The following EPCAM variants were observed in gnomAD, a reference collection of about 807,000 sequenced individuals.
The protein encoded by EPCAM is adenocarcinoma-associated antigen.
In EPCAM, 39 loss-of-function variants were observed where a neutral mutation model predicts 40.0. That is an observed-to-expected ratio of 0.98 (90% CI 0.76 to 1.27). EPCAM has a LOEUF of 1.27. Ranked by LOEUF, EPCAM falls within the 50% of genes most tolerant of loss-of-function variation. The pLI is 0.00. For missense variants in EPCAM, 503 were observed against 381.2 expected, an observed-to-expected ratio of 1.32 and a Z score of -2.66; for synonymous variants, 168 against 132.3, an observed-to-expected ratio of 1.27 and a Z score of -1.85.
intron 5 of EPCAM, 64 bp downstream of exon 5, chr2:47,377,141 G>A (rs2103753712): frequency 9.2e-7 from 1 of 1,086,268 alleles, no homozygotes; most frequent in Non-Finnish European, 1.4e-6. Context: ...TTGAGTATAA[G>A]GACAGCCAGT....
chr2:47,376,462 G>A (rs1332642258), intron 4 of EPCAM, among the ~76,000 whole-genome samples: 2 of 151,784 alleles, frequency 1.3e-5, no homozygotes, highest in East Asian at 1.9e-4. Context: ...GTTTCTCCAC[G>A]TTGGTCAGGC....
chr2:47,384,920 T>G (rs1046011340), intron 7 of EPCAM, among the ~76,000 whole-genome samples: 1 of 152,164 alleles, frequency 6.6e-6, no homozygotes, highest in Non-Finnish European at 1.5e-5. Context: ...TTGGCTGGGC[T>G]GGTCTGAAAC....
chr2:47,372,701 G>A (rs1172815312), intron 1 of EPCAM, among the ~76,000 whole-genome samples: 2 of 151,982 alleles, frequency 1.3e-5, no homozygotes, highest in African/African-American at 4.8e-5. Flanking sequence ...GATCCTGGGA[G>A]ATGGATGTTG....
chr2:47,377,717 T>C (rs114803590), intron 5 of EPCAM: 6,484 of 416,032 alleles, frequency 0.016, 84 homozygotes, highest in Middle Eastern at 0.036. Context: ...AAAATTACTT[T>C]TGGTAAATAC....
Position 47,374,734 on chromosome 2 carries a change from C to T in EPCAM, c.426-500C>T, listed in dbSNP as rs1671377434. Among the ~76,000 whole-genome samples the T allele has an allele frequency of 2.0e-5, 3 of 152,072 alleles. No individual in the cohort carries two copies. In the South Asian group the frequency reaches 6.2e-4, roughly 32 times the overall value. ...TCTCAGCTCACTGCAACCTCTGCCT[C>T]CCGGGTTCAAGCAACTCTCCTGCCT... On this transcript the variant is annotated intron_variant, in intron 3 of 8. Coordinates refer to ENST00000263735, the MANE Select transcript of EPCAM (RefSeq NM_002354.3).
rs763370944 is a variant in EPCAM, at chr2:47,375,204, G to C, written c.426-30G>C. The C allele has an allele frequency of 1.2e-5, 18 of 1,504,250 alleles. No individual in the cohort carries two copies. The South Asian group carries it at 2.0e-4, about 17-fold the overall frequency. 93.2% of individuals were successfully genotyped at this position (1,504,250 alleles called of 1,614,324 possible). ...AAATAGTATGGAAGACTGAGTTATA[G>C]TCAACTGACATTGTCTTTTTACTTT... On this transcript the variant is annotated intron_variant, in intron 3 of 8. Coordinates refer to ENST00000263735, the MANE Select transcript of EPCAM (RefSeq NM_002354.3).
Position 47,379,760 on chromosome 2 carries a change from T to C in EPCAM, c.658-9T>C, listed in dbSNP as rs2103758653. ...ATATTTTTAATTCCTTTTCTCCTTT[T>C]CAATACAGGTTAAAGGTGAATCCTT... On this transcript the variant is annotated splice_polypyrimidine_tract_variant and intron_variant, in intron 6 of 8. Transcript: ENST00000263735. 1 of 1,612,228 alleles carries C rather than the reference T, an allele frequency of 6.2e-7. No individual in the cohort carries two copies. The highest frequency in any genetic ancestry group is 8.5e-7 in the Non-Finnish European group (1 of 1,179,530).
intron 4 of EPCAM, among the ~76,000 whole-genome samples, chr2:47,376,212 T>C (rs1671419524): frequency 6.6e-6 from 1 of 151,934 alleles, no homozygotes. Flanking sequence ...CAAGTCATTA[T>C]ATATAATGTC....
At chr2:47,382,997 T>C (rs76000056) in intron 7 of EPCAM, among the ~76,000 whole-genome samples, 1 of 143,400 alleles carries the variant, frequency 7.0e-6, no homozygotes, top group Non-Finnish European at 1.5e-5. Context: ...AATTTCTTTC[T>C]TTTTTTTTTT....
chr2:47,379,513 G>C (rs1573399889), intron 6 of EPCAM, among the ~76,000 whole-genome samples: 2 of 152,288 alleles, frequency 1.3e-5, no homozygotes, highest in East Asian at 1.9e-4. Context: ...TGAAGTAAGA[G>C]AGGCTATGTG....
At chr2:47,377,144 C>CA in intron 5 of EPCAM, 67 bp downstream of exon 5, 1 of 1,066,036 alleles carries the variant, frequency 9.4e-7, no homozygotes, top group African/African-American at 1.5e-5. Context: ...AGTATAAGGA[C>CA]AGCCAGTGAT....
chr2:47,376,900 A>AT, intron 4 of EPCAM, 114 bp from the exon 5 acceptor site: 3 of 702,212 alleles, frequency 4.3e-6, no homozygotes, highest in South Asian at 1.6e-5. Context: ...TGGCAGAAAA[A>AT]TTTTAACTTT....
At position 47,376,865 on chromosome 2, in the gene EPCAM, A is replaced by T; in HGVS notation, c.492-149A>T. 3 of 630,002 alleles carry T rather than the reference A, an allele frequency of 4.8e-6. No homozygotes were observed. In the South Asian group the frequency reaches 5.7e-5, roughly 12 times the overall value. The allele number at this position is 630,002 out of a possible 1,614,324, so 39.0% of individuals were successfully genotyped here. A position where few individuals can be genotyped will look rare whatever the true frequency, so the allele number is the denominator to read the frequency against. On this transcript the variant is annotated intron_variant, in intron 4 of 8. Coordinates refer to ENST00000263735, the MANE Select transcript of EPCAM (RefSeq NM_002354.3). Reference sequence around the variant, plus strand: ...TCAATGGATGATTCCAGCCTGAATCAATTATTATTATGATAGTTGCAAAAT... The same window carrying T: ...TCAATGGATGATTCCAGCCTGAATCTATTATTATTATGATAGTTGCAAAAT...
chr2:47,381,409 AAAAG>A (rs1382611388), intron 7 of EPCAM, among the ~76,000 whole-genome samples: 10 of 151,302 alleles, frequency 6.6e-5, no homozygotes, highest in Non-Finnish European at 1.2e-4. Context: ...AAAAAAAAAA[AAAAG>A]AAATCTTACT....
intron 5 of EPCAM, chr2:47,377,568 A>G (rs1671460190): frequency 4.0e-6 from 1 of 251,314 alleles, no homozygotes; most frequent in Non-Finnish European, 8.0e-6. Context: ...TTTTCCTTCC[A>G]TAGCCTTTGA....
chr2:47,385,339 A>T (rs1671716021), intron 8 of EPCAM, 129 bp downstream of exon 8: 1 of 786,966 alleles, frequency 1.3e-6, no homozygotes. Context: ...TTAGGGTCTT[A>T]GGGACAGTCT....
intron 8 of EPCAM, 62 bp downstream of exon 8, chr2:47,385,272 A>G: frequency 7.8e-7 from 1 of 1,287,888 alleles, no homozygotes; most frequent in Non-Finnish European, 1.1e-6. Context: ...TAATCACTCT[A>G]CCTTCCTACA....
chr2:47,374,797 C>G (rs1671378786), intron 3 of EPCAM, among the ~76,000 whole-genome samples: 1 of 152,126 alleles, frequency 6.6e-6, no homozygotes, highest in Non-Finnish European at 1.5e-5. Context: ...CTATACCACA[C>G]CTGACTAATT....
intron 7 of EPCAM, among the ~76,000 whole-genome samples, chr2:47,381,974 C>A (rs1331028904): frequency 2.0e-5 from 3 of 152,024 alleles, no homozygotes; most frequent in African/African-American, 7.2e-5. Flanking sequence ...GCTATGGCTG[C>A]CGAGGCTGGG....
Sources: allele counts gnomAD v4.1 joint callset (sites outside exome capture counted in the v4.1 genomes callset), GRCh38; gene constraint gnomAD v4.1.1; transcripts MANE v1.5; gene names NCBI Gene and HGNC (gene_info 2026-07-23, HGNC 2026-07-21).